S100B: variants seen among roughly 807,000 people sequenced by gnomAD.
S100B encodes the protein S100 calcium binding protein B.
Under a neutral mutation model 7.7 loss-of-function variants are expected in S100B, and 6 were observed. The observed-to-expected ratio is 0.78, with a 90% confidence interval of 0.43 to 1.54. The LOEUF is 1.54. S100B is among the 40% of genes most tolerant of loss of function. S100B has a pLI of 0.01. For missense variants in S100B, 99 were observed against 111.8 expected (o/e 0.89, Z 0.52); for synonymous variants, 36 against 40.4 (o/e 0.89, Z 0.41).
intron 2 of S100B, among the ~76,000 whole-genome samples, chr21:46,601,165 G>A (rs2061040334): frequency 6.6e-6 from 1 of 152,166 alleles, no homozygotes; most frequent in African/African-American, 2.4e-5. Flanking sequence ...GCTGGAGCCA[G>A]GGCTTGCCGT....
intron 2 of S100B, 75 bp from the exon 3 acceptor site, chr21:46,599,578 G>A: frequency 7.9e-7 from 1 of 1,266,800 alleles, no homozygotes; most frequent in Non-Finnish European, 1.1e-6. Flanking sequence ...ATTAAAAGTT[G>A]AGTGACTCTG....
At chr21:46,601,929 T>G (rs2061042364) in intron 2 of S100B, among the ~76,000 whole-genome samples, 1 of 152,274 alleles carries the variant, frequency 6.6e-6, no homozygotes, top group Non-Finnish European at 1.5e-5. Flanking sequence ...AGCCAAAATA[T>G]ATCCTTTTCC....
intron 2 of S100B, chr21:46,600,400 A>G: frequency 2.3e-6 from 1 of 442,552 alleles, no homozygotes; most frequent in Non-Finnish European, 4.5e-6. Flanking sequence ...TAAAACAATT[A>G]GCTGGGCATG....
At position 46,599,143 on chromosome 21, in the gene S100B, C is replaced by G; in HGVS notation, c.*220G>C. ...GTTAACAAGAGTCCCTGGGGCCAGT[C>G]AGCTTACACACAGGCCTAATATAGC... On this transcript the variant is annotated 3_prime_UTR_variant, in exon 3 of 3. Transcript: ENST00000291700. 1 of 558,086 alleles carries G rather than the reference C, an allele frequency of 1.8e-6. No individual in the cohort carries two copies. Among genetic ancestry groups the G allele is most frequent in the Non-Finnish European group, 3.1e-6 (1 of 318,696 alleles). The allele number at this position is 558,086 out of a possible 1,614,324, so 34.6% of individuals were successfully genotyped here.
chr21:46,603,398 T>TGGGGGGAGGGGGGGGCGGGGGGGGGGGGC, intron 1 of S100B, among the ~76,000 whole-genome samples: 2 of 52,070 alleles, frequency 3.8e-5, no homozygotes, highest in East Asian at 7.4e-4. Flanking sequence ...CGGGAGGGGG[T>TGGGGGGAGGGGGGGGCGGGGGGGGGGGGC]GGGGGCAGGA....
chr21:46,602,516 A>G lies in S100B; in HGVS notation c.-1-100T>C, dbSNP rs887461230. On this transcript the variant is annotated intron_variant, in intron 1 of 2. Transcript: ENST00000291700. ...ACCTCAACCCAGACAAGGGGGATGG[A>G]ATGGCCTTGGCACTCTTTTCAAGCT... is the stretch of plus-strand genomic sequence containing the variant. The G allele has an allele frequency of 2.4e-6, 3 of 1,256,684 alleles. No individual in the cohort carries two copies. The Admixed American group carries it at 7.0e-5, about 29-fold the overall frequency. 77.8% of individuals were successfully genotyped at this position (1,256,684 alleles called of 1,614,324 possible). A position where few individuals can be genotyped will look rare whatever the true frequency, so the allele number is the denominator to read the frequency against.
At position 46,599,450 on chromosome 21, in the gene S100B, A is replaced by G. The variant is rs2148943546; in HGVS notation, c.192T>C (p.Asp64=). ...VDKVMETLDN[D]GDGECDFQEF... ...CCTGGAAGTCACATTCGCCGTCTCC[A>G]TCATTGTCCAGTGTTTCCATGACTT... Residue 64 remains aspartate (D), a synonymous_variant, in exon 3 of 3, where the codon GAT becomes GAC. Transcript: ENST00000291700. The G allele has an allele frequency of 1.2e-6, 2 of 1,613,978 alleles. No homozygotes were observed. The highest frequency in any genetic ancestry group is 2.2e-5 in the East Asian group (1 of 44,882).
At chr21:46,600,551 T>C (rs545727437) in intron 2 of S100B, among the ~76,000 whole-genome samples, 1 of 151,888 alleles carries the variant, frequency 6.6e-6, no homozygotes, top group Non-Finnish European at 1.5e-5. Flanking sequence ...TCTCAAAAAC[T>C]AAAAAAGTAA....
At chr21:46,604,299 C>T (rs894144139) in intron 1 of S100B, among the ~76,000 whole-genome samples, 4 of 152,076 alleles carry the variant, frequency 2.6e-5, no homozygotes, top group Non-Finnish European at 4.4e-5. Context: ...CTTTGAATGT[C>T]CTACATTAAT....
intron 1 of S100B, among the ~76,000 whole-genome samples, chr21:46,603,392 A>AGGGGGGGGCGGGGGGGG (rs1555923741): frequency 5.2e-5 from 2 of 38,228 alleles, no homozygotes; most frequent in Non-Finnish European, 9.8e-5. Context: ...GGACGGCGGG[A>AGGGGGGGGCGGGGGGGG]GGGGGTGGGG....
At position 46,599,044 on chromosome 21, in the gene S100B, G is replaced by T; in HGVS notation, c.*319C>A. 1 of 295,612 alleles carries T rather than the reference G, an allele frequency of 3.4e-6. No homozygotes were observed. The allele number at this position is 295,612 out of a possible 1,614,324, so 18.3% of individuals were successfully genotyped here. A position where few individuals can be genotyped will look rare whatever the true frequency, so the allele number is the denominator to read the frequency against. ...AATTTCTGTAGTCAGGGTTCCCTCC[G>T]GGTTAGGGTCTACACGGCCATGGCG... is the stretch of plus-strand genomic sequence containing the variant. On this transcript the variant is annotated 3_prime_UTR_variant, in exon 3 of 3. Coordinates refer to ENST00000291700, the MANE Select transcript of S100B (RefSeq NM_006272.3).
intron 1 of S100B, among the ~76,000 whole-genome samples, chr21:46,604,604 G>A (rs2061052276): frequency 6.6e-6 from 1 of 152,194 alleles, no homozygotes; most frequent in Non-Finnish European, 1.5e-5. Flanking sequence ...AAGGAGAAAA[G>A]GGAAGCATTT....
chr21:46,603,392 A>AGGGGACGGCGGGAGGGGGGGGCGGGGGGG (rs1555923730), intron 1 of S100B, among the ~76,000 whole-genome samples: 1 of 38,206 alleles, frequency 2.6e-5, no homozygotes, highest in Non-Finnish European at 4.9e-5. Context: ...GGACGGCGGG[A>AGGGGACGGCGGGAGGGGGGGGCGGGGGGG]GGGGGTGGGG....
chr21:46,600,243 G>A (rs2061037741), intron 2 of S100B: 1 of 324,366 alleles, frequency 3.1e-6, no homozygotes, highest in Admixed American at 4.3e-5. Context: ...AGCTGCCTTG[G>A]CTATAAGACA....
intron 2 of S100B, chr21:46,600,334 G>A (rs1440443622): frequency 4.6e-6 from 2 of 432,824 alleles, no homozygotes; most frequent in Non-Finnish European, 9.2e-6. Flanking sequence ...TTGAGCACAG[G>A]AAGTTTGAGA....
intron 2 of S100B, among the ~76,000 whole-genome samples, chr21:46,601,193 G>A (rs962220257): frequency 6.6e-6 from 1 of 152,110 alleles, no homozygotes; most frequent in East Asian, 1.9e-4. Context: ...TGAGAGGCTT[G>A]GCCAGCTCAG....
chr21:46,598,837 G>A lies in S100B; in HGVS notation c.*526C>T, dbSNP rs948552949. On this transcript the variant is annotated 3_prime_UTR_variant, in exon 3 of 3. Coordinates refer to ENST00000291700, the MANE Select transcript of S100B (RefSeq NM_006272.3). Reference sequence around the variant, plus strand: ...CGCTGCCAGCGCTGAGCGTTCACCTGGTGATCAGGCGCATCCCGGGAAGCA... The same window carrying A: ...CGCTGCCAGCGCTGAGCGTTCACCTAGTGATCAGGCGCATCCCGGGAAGCA... 2.0e-5 allele frequency: 3 copies of A among 153,258 alleles called. No individual in the cohort carries two copies. The highest frequency in any genetic ancestry group is 7.2e-5 in the African/African-American group (3 of 41,470). 9.5% of individuals were successfully genotyped at this position (153,258 alleles called of 1,614,324 possible).
intron 1 of S100B, among the ~76,000 whole-genome samples, chr21:46,603,277 T>C (rs1445820673): frequency 6.6e-6 from 1 of 150,634 alleles, no homozygotes. Flanking sequence ...CAAATGGGTG[T>C]GGTTCTGTCG....
At chr21:46,603,397 G>GTGGGGGGAGGGGGGGGCGGGGGGGGGGT (rs2061047976) in intron 1 of S100B, among the ~76,000 whole-genome samples, 1 of 135,622 alleles carries the variant, frequency 7.4e-6, no homozygotes, top group Non-Finnish European at 1.6e-5. Flanking sequence ...GCGGGAGGGG[G>GTGGGGGGAGGGGGGGGCGGGGGGGGGGT]TGGGGGCAGG....
Sources: allele counts gnomAD v4.1 joint callset (sites outside exome capture counted in the v4.1 genomes callset), GRCh38; gene constraint gnomAD v4.1.1; transcripts MANE v1.5; gene names NCBI Gene and HGNC (gene_info 2026-07-23, HGNC 2026-07-21).